The following NAT10 variants were observed in gnomAD, a reference collection of about 807,000 sequenced individuals.
NAT10 encodes RNA cytidine acetyltransferase.
NAT10 carries 109 observed loss-of-function variants against 132.2 expected under a neutral mutation model. The ratio of observed to expected loss-of-function variants is 0.82; its 90% CI spans 0.71 to 0.97. NAT10 has a LOEUF of 0.97. NAT10 is among the 50% of genes least tolerant of loss of function. The pLI is 0.00. For missense variants in NAT10, 1,184 were observed against 1,263.4 expected, an observed-to-expected ratio of 0.94 and a Z score of 0.95; for synonymous variants, 479 against 478.0, an observed-to-expected ratio of 1.00 and a Z score of -0.03.
intron 23 of NAT10, 87 bp downstream of exon 23, chr11:34,139,582 G>T (rs1040827113): frequency 1.7e-6 from 2 of 1,158,288 alleles, no homozygotes; most frequent in Non-Finnish European, 1.3e-6. Context: ...GGTTTGGGCT[G>T]GAAATTGAGG....
intron 1 of NAT10, among the ~76,000 whole-genome samples, chr11:34,106,378 A>G (rs1309234107): frequency 6.6e-6 from 1 of 151,812 alleles, no homozygotes; most frequent in Non-Finnish European, 1.5e-5. Flanking sequence ...AGCCCATAGT[A>G]ATCTCAGCCC....
chr11:34,112,349 A>C, intron 4 of NAT10, 126 bp downstream of exon 4: 1 of 1,140,344 alleles, frequency 8.8e-7, no homozygotes, highest in South Asian at 1.5e-5. Context: ...ATGCCCAAGC[A>C]TTATTAGTGG....
chr11:34,140,722 C>T (rs1407149313), intron 24 of NAT10, 150 bp downstream of exon 24: 14 of 962,912 alleles, frequency 1.5e-5, no homozygotes, highest in Non-Finnish European at 2.0e-5. Context: ...TTCTACAGGT[C>T]AGGAAACCTG....
intron 28 of NAT10, among the ~76,000 whole-genome samples, chr11:34,144,278 T>A (rs1590194860): frequency 6.6e-6 from 1 of 152,168 alleles, no homozygotes; most frequent in African/African-American, 2.4e-5. Flanking sequence ...TGCAAAAAAA[T>A]TTTAAAAAGA....
rs751981901 is a variant in NAT10 at position 34,108,229 on chromosome 11, C to A, written c.4C>A (p.His2Asn). Residue 2 changes from histidine (H) to asparagine (N), a missense_variant, in exon 2 of 29, where the codon CAT becomes AAT. His to Asn is a moderately conservative substitution (Grantham distance 68, BLOSUM62 1). Coordinates refer to ENST00000257829, the MANE Select transcript of NAT10 (RefSeq NM_024662.3). Reference protein sequence around the residue: MHRKKVDNRIRI... With the variant: MNRKKVDNRIRI... ...CTTTTAGTAATAATTTTTCACCATG[C>A]ATCGGAAAAAGGTGGATAACCGAAT... The A allele has an allele frequency of 2.2e-5, 35 of 1,612,022 alleles. No individual in the cohort carries two copies. The highest frequency in any genetic ancestry group is 2.9e-5 in the Non-Finnish European group (34 of 1,178,274).
chr11:34,144,353 C>T (rs932595800), intron 28 of NAT10, among the ~76,000 whole-genome samples: 9 of 152,076 alleles, frequency 5.9e-5, no homozygotes, highest in Non-Finnish European at 8.8e-5. Flanking sequence ...CGGACTCAGT[C>T]GTTTTGAAAA....
intron 19 of NAT10, among the ~76,000 whole-genome samples, chr11:34,135,538 C>T (rs576509837): frequency 1.3e-5 from 2 of 152,248 alleles, no homozygotes; most frequent in South Asian, 4.1e-4. Flanking sequence ...TGGGGTAGAC[C>T]CTGTAATCTG....
At chr11:34,146,060 T>C (rs749152078) in intron 28 of NAT10, 24 bp from the exon 29 acceptor site, 1 of 1,494,960 alleles carries the variant, frequency 6.7e-7, no homozygotes, top group Middle Eastern at 1.7e-4. Context: ...TATTTCATTC[T>C]TTCTATTTTT....
Position 34,133,139 on chromosome 11 carries a change from C to T in NAT10, c.1731C>T (p.Ile577=), listed in dbSNP as rs1033364316. The change falls in exon 16 of 29, where the codon ATC becomes ATT. Residue 577 remains isoleucine, a synonymous_variant. Coordinates refer to ENST00000257829, the MANE Select transcript of NAT10 (RefSeq NM_024662.3). ...QNALPEVLAV[I]QVCLEGEISR... ...CCCTTCCAGAAGTGCTTGCTGTTAT[C>T]CAGGTATAGGAGCAGAGGCGTCCTT... The T allele has an allele frequency of 1.4e-5, 23 of 1,608,788 alleles. No homozygotes were observed. Among genetic ancestry groups the T allele is most frequent in the Non-Finnish European group, 2.0e-5 (23 of 1,175,230 alleles).
intron 4 of NAT10, among the ~76,000 whole-genome samples, chr11:34,113,031 A>T (rs1851722583): frequency 6.6e-6 from 1 of 152,240 alleles, no homozygotes; most frequent in South Asian, 2.1e-4. Flanking sequence ...CTCACCTTGG[A>T]GGCCAAGAAA....
chr11:34,136,567 G>A (rs891196626), intron 19 of NAT10, 75 bp from the exon 20 acceptor site: 17 of 1,578,472 alleles, frequency 1.1e-5, no homozygotes, highest in Admixed American at 6.8e-5. Context: ...TCCAGAGTGC[G>A]CTGCGGCAGG....
intron 9 of NAT10, 124 bp downstream of exon 9, chr11:34,122,716 G>A: frequency 7.8e-7 from 1 of 1,275,628 alleles, no homozygotes; most frequent in Non-Finnish European, 1.1e-6. Context: ...TTCAGTGTGT[G>A]ATTTCTCTAG....
chr11:34,127,436 A>G (rs373038027), intron 11 of NAT10, 27 bp from the exon 12 acceptor site: 4 of 1,581,562 alleles, frequency 2.5e-6, no homozygotes, highest in Non-Finnish European at 3.5e-6. Flanking sequence ...TCACTATGCT[A>G]ATAATCTAAA....
intron 9 of NAT10, among the ~76,000 whole-genome samples, chr11:34,123,044 GT>G (rs1851923701): frequency 6.6e-6 from 1 of 152,186 alleles, no homozygotes; most frequent in Non-Finnish European, 1.5e-5. Flanking sequence ...TTTCTACTGG[GT>G]TTGGAAGATA....
At chr11:34,134,657 G>A (rs1250105522) in intron 18 of NAT10, 71 bp downstream of exon 18, 4 of 1,461,582 alleles carry the variant, frequency 2.7e-6, no homozygotes, top group Non-Finnish European at 3.8e-6. Context: ...CTTGGTGGCT[G>A]GAATAAGAAG....
chr11:34,130,915 G>A lies in NAT10; in HGVS notation c.1347G>A (p.Thr449=), dbSNP rs1319537601. 16 of 1,613,958 alleles carry A rather than the reference G, an allele frequency of 9.9e-6. No homozygotes were observed. The highest frequency in any genetic ancestry group is 4.0e-5 in the African/African-American group (3 of 74,928). The part of the protein sequence containing the change: ...QVSTTAENKT[T]TTARLASART... Reference sequence around the variant, plus strand: ...GCACCACTGCTGAGAATAAGACCACGACGACAGCCAGATTGGCATCAGGTA... The same window carrying A: ...GCACCACTGCTGAGAATAAGACCACAACGACAGCCAGATTGGCATCAGGTA... Residue 449 remains threonine, a synonymous_variant, in exon 13 of 29, where the codon ACG becomes ACA. Transcript: ENST00000257829.
chr11:34,144,560 G>A (rs192502276), intron 28 of NAT10, among the ~76,000 whole-genome samples: 2 of 152,266 alleles, frequency 1.3e-5, no homozygotes, highest in Non-Finnish European at 1.5e-5. Context: ...ATGAAAAAAG[G>A]CAAATAACTG....
chr11:34,127,463 T>C lies in NAT10; in HGVS notation c.1108T>C (p.Tyr370His). 6.2e-7 allele frequency: 1 copy of C among 1,612,242 alleles called. No individual in the cohort carries two copies. The highest frequency in any genetic ancestry group is 8.5e-7 in the Non-Finnish European group (1 of 1,178,628). The change falls in exon 12 of 29, where the codon TAT (tyrosine) becomes CAT (histidine). Residue 370 changes from tyrosine (Y) to histidine (H), a missense_variant and splice_region_variant. Transcript: ENST00000257829. ...VFREHRQTIQYIHPADAVKLG... is the reference protein window; with the variant it reads ...VFREHRQTIQHIHPADAVKLG... ...TAATCTAAATTTTCCTTCCCCATAG[T>C]ATATACATCCTGCAGATGCTGTGAA... is the stretch of plus-strand genomic sequence containing the variant.
At position 34,122,314 on chromosome 11, in the gene NAT10, G is replaced by T. The variant is rs190205229; in HGVS notation, c.781-145G>T. On this transcript the variant is annotated intron_variant, in intron 8 of 28. Transcript: ENST00000257829. ...ATGACCAAGGGAGTGAGAAGTCCAG[G>T]TGCTGAGCAGTGCTTTCTGGCCTGC... 1.4e-5 allele frequency: 14 copies of T among 972,530 alleles called. No individual in the cohort carries two copies. In the East Asian group the frequency reaches 3.2e-4, roughly 22 times the overall value. 60.2% of individuals were successfully genotyped at this position (972,530 alleles called of 1,614,324 possible).
Sources: gnomAD v4.1 joint callset for allele counts (sites outside exome capture counted in the v4.1 genomes callset) on GRCh38, gnomAD v4.1.1 for gene constraint, MANE v1.5 for transcripts, NCBI Gene and HGNC (gene_info 2026-07-23, HGNC 2026-07-21) for gene names.